The following GFRA2 variants were observed in gnomAD, a reference collection of about 807,000 sequenced individuals.
GFRA2 encodes the protein GDNF family receptor alpha 2.
A neutral mutation model predicts 48.3 loss-of-function variants in GFRA2; 17 were observed. That is an observed-to-expected ratio of 0.35 (90% CI 0.24 to 0.53). The LOEUF (loss-of-function observed/expected upper bound fraction) is 0.53. Among genes scored for constraint, GFRA2 ranks in the 20% least tolerant of loss-of-function variants. The pLI is 0.93. For missense variants in GFRA2, 660 were observed against 637.3 expected, an observed-to-expected ratio of 1.04 and a Z score of -0.38; for synonymous variants, 305 against 257.2, an observed-to-expected ratio of 1.19 and a Z score of -1.78.
At chr8:21,695,364 G>A (rs1328030427) in intron 7 of GFRA2, among the ~76,000 whole-genome samples, 1 of 152,136 alleles carries the variant, frequency 6.6e-6, no homozygotes. Flanking sequence ...GGGAAGTTCT[G>A]GCCACCAAAA....
At chr8:21,710,382 G>A (rs1334393190) in intron 4 of GFRA2, among the ~76,000 whole-genome samples, 4 of 152,230 alleles carry the variant, frequency 2.6e-5, no homozygotes, top group African/African-American at 9.6e-5. Context: ...GCTTTCCCTG[G>A]CGTCTGATAC....
At chr8:21,801,882 GA>G (rs1189723256) in intron 2 of GFRA2, among the ~76,000 whole-genome samples, 43 of 152,348 alleles carry the variant, frequency 2.8e-4, no homozygotes, top group African/African-American at 1.0e-3. Flanking sequence ...ATAGGACCCA[GA>G]AGCATGAATG....
chr8:21,749,048 C>T (rs1381667363), intron 4 of GFRA2, among the ~76,000 whole-genome samples: 1 of 152,226 alleles, frequency 6.6e-6, no homozygotes, highest in African/African-American at 2.4e-5. Context: ...GAGCCCACAG[C>T]CTCATCCCAC....
chr8:21,727,526 C>G (rs1803932469), intron 4 of GFRA2, among the ~76,000 whole-genome samples: 1 of 152,184 alleles, frequency 6.6e-6, no homozygotes, highest in Non-Finnish European at 1.5e-5. Context: ...TGGACACCAC[C>G]TCCCCATCAC....
chr8:21,748,531 C>T (rs1241568398), intron 4 of GFRA2, among the ~76,000 whole-genome samples: 1 of 152,150 alleles, frequency 6.6e-6, no homozygotes, highest in Non-Finnish European at 1.5e-5. Flanking sequence ...ATCCAGTTTT[C>T]TCCACACCCA....
chr8:21,750,565 ACCGGGGCTG>A lies in GFRA2; in HGVS notation c.794+14_794+22del, dbSNP rs575412360. On this transcript the variant is annotated intron_variant, in intron 4 of 8. Transcript: ENST00000524240. The surrounding 1 kb of genome is among the most constrained non-coding windows in gnomAD (Gnocchi z 5.7). ...ATGCAAGCGCCCTCCTGCCAGCACC[ACCGGGGCTG>A]CCGCGGCACTCACCGACACAGGTGG... 1.7e-4 allele frequency: 249 copies of A among 1,449,816 alleles called. 2 individuals are homozygous for A. The South Asian group carries it at 2.9e-3, about 17-fold the overall frequency. 89.8% of individuals were successfully genotyped at this position (1,449,816 alleles called of 1,614,324 possible).
chr8:21,766,000 C>A (rs892583574), intron 3 of GFRA2, among the ~76,000 whole-genome samples: 2 of 152,164 alleles, frequency 1.3e-5, no homozygotes, highest in African/African-American at 4.8e-5. Flanking sequence ...GCCCCATGAT[C>A]CATCCTCCAC....
At chr8:21,764,810 C>G (rs1806077486) in intron 3 of GFRA2, among the ~76,000 whole-genome samples, 1 of 152,178 alleles carries the variant, frequency 6.6e-6, no homozygotes, top group Admixed American at 6.5e-5. Context: ...AAACCAAAAG[C>G]AAAGCCTTCC....
At chr8:21,808,667 A>G (rs1238063417) in intron 1 of GFRA2, among the ~76,000 whole-genome samples, 2 of 152,226 alleles carry the variant, frequency 1.3e-5, no homozygotes, top group Non-Finnish European at 2.9e-5. Context: ...CTCTATCCAG[A>G]GGAGCTGAAG....
intron 7 of GFRA2, among the ~76,000 whole-genome samples, chr8:21,701,971 G>T (rs1802502390): frequency 6.6e-6 from 1 of 152,172 alleles, no homozygotes; most frequent in Admixed American, 6.5e-5. Flanking sequence ...CCTCTCCCCA[G>T]ATGGGCCGGT....
At chr8:21,792,099 G>A (rs888281140), upstream of GFRA2, among the ~76,000 whole-genome samples, 497 of 152,230 alleles carry the variant, frequency 3.3e-3, 3 homozygotes, top group African/African-American at 0.012. Flanking sequence ...AGGCAACACC[G>A]AATCCTTCCA....
intron 4 of GFRA2, among the ~76,000 whole-genome samples, chr8:21,735,895 A>G (rs1804437552): frequency 6.6e-6 from 1 of 151,652 alleles, no homozygotes; most frequent in African/African-American, 2.4e-5. Flanking sequence ...CTGCTCTTGA[A>G]CTCCTGCCTC....
At chr8:21,757,184 T>G (rs1224452911) in intron 3 of GFRA2, among the ~76,000 whole-genome samples, 1 of 152,038 alleles carries the variant, frequency 6.6e-6, no homozygotes, top group Admixed American at 6.5e-5. Flanking sequence ...AGCTGAGGAA[T>G]GCACAACCAG....
intron 4 of GFRA2, among the ~76,000 whole-genome samples, chr8:21,717,647 T>C (rs575437468): frequency 6.6e-6 from 1 of 152,312 alleles, no homozygotes; most frequent in African/African-American, 2.4e-5. Context: ...TCTGGAAGCC[T>C]CAGCAAATTC....
chr8:21,713,361 C>T (rs1481528098), intron 4 of GFRA2, among the ~76,000 whole-genome samples: 1 of 151,704 alleles, frequency 6.6e-6, no homozygotes, highest in African/African-American at 2.4e-5. Flanking sequence ...ATGCCTGGCT[C>T]GTTTTTGTAT....
intron 4 of GFRA2, among the ~76,000 whole-genome samples, chr8:21,720,922 G>A (rs1226072347): frequency 6.6e-6 from 1 of 151,554 alleles, no homozygotes; most frequent in Non-Finnish European, 1.5e-5. Flanking sequence ...TAAAACTTCA[G>A]TGCCCAAAGA....
chr8:21,767,960 G>GAGTTGAC (rs1241652588), intron 3 of GFRA2, among the ~76,000 whole-genome samples: 2 of 22,320 alleles, frequency 9.0e-5, no homozygotes, highest in Admixed American at 1.0e-3. Context: ...GGCGTTGACA[G>GAGTTGAC]AGAGAGAGAG....
At chr8:21,761,817 G>A (rs1805924729) in intron 3 of GFRA2, among the ~76,000 whole-genome samples, 1 of 152,082 alleles carries the variant, frequency 6.6e-6, no homozygotes, top group Admixed American at 6.5e-5. Flanking sequence ...GGGCGTGATG[G>A]TGCGCACCTG....
intron 2 of GFRA2, among the ~76,000 whole-genome samples, chr8:21,780,618 G>A (rs1806935659): frequency 6.6e-6 from 1 of 152,072 alleles, no homozygotes; most frequent in Non-Finnish European, 1.5e-5. Context: ...CATCTGCAGG[G>A]TGTGGTCAAT....
Sources: allele counts gnomAD v4.1 joint callset (sites outside exome capture counted in the v4.1 genomes callset), GRCh38; gene constraint gnomAD v4.1.1; non-coding constraint Gnocchi (gnomAD v3.1); transcripts MANE v1.5; gene names NCBI Gene and HGNC (gene_info 2026-07-23, HGNC 2026-07-21).